The following ZMYND8 variants were observed in gnomAD, a reference collection of about 807,000 sequenced individuals.
The protein encoded by ZMYND8 is MYND-type zinc finger-containing chromatin reader ZMYND8.
In ZMYND8, 37 loss-of-function variants were observed where a neutral mutation model predicts 140.8. The observed-to-expected ratio is 0.26, with a 90% CI of 0.20 to 0.35. The LOEUF (loss-of-function observed/expected upper bound fraction) is 0.35. ZMYND8 is among the 10% of genes least tolerant of loss of function. The pLI, the probability that ZMYND8 is intolerant of heterozygous loss-of-function variation, is 1.00. For synonymous variants in ZMYND8, 592 were observed against 597.1 expected (o/e 0.99, Z 0.12); for missense variants, 1,068 against 1,570.0 (o/e 0.68, Z 5.40).
At chr20:47,221,052 T>A (rs1214511027) in intron 20 of ZMYND8, among the ~76,000 whole-genome samples, 1 of 152,194 alleles carries the variant, frequency 6.6e-6, no homozygotes, top group East Asian at 1.9e-4. Flanking sequence ...GTACAGAACA[T>A]TTCCATCATC....
chr20:47,238,665 T>TAA (rs529703367), intron 15 of ZMYND8, 93 bp downstream of exon 15: 30 of 1,155,606 alleles, frequency 2.6e-5, no homozygotes, highest in South Asian at 5.9e-5. Context: ...AAACGAGAAC[T>TAA]AAAAAAAAAA....
chr20:47,334,071 T>C (rs1051148703), intron 2 of ZMYND8, among the ~76,000 whole-genome samples: 1 of 152,176 alleles, frequency 6.6e-6, no homozygotes, highest in African/African-American at 2.4e-5. Flanking sequence ...GGCAAAATCA[T>C]CTAATGCGAA....
chr20:47,259,217 G>A (rs2074979563), intron 12 of ZMYND8, among the ~76,000 whole-genome samples: 1 of 152,192 alleles, frequency 6.6e-6, no homozygotes, highest in Admixed American at 6.5e-5. Flanking sequence ...GTGTGGAGGT[G>A]GAAGGAGGGT....
chr20:47,256,024 G>A (rs1439822410), intron 12 of ZMYND8, among the ~76,000 whole-genome samples: 7 of 147,994 alleles, frequency 4.7e-5, no homozygotes, highest in Admixed American at 4.1e-4. Context: ...AGAGAGCCGA[G>A]ATTGTACCAT....
intron 22 of ZMYND8, among the ~76,000 whole-genome samples, chr20:47,212,044 C>A (rs1251138875): frequency 1.3e-5 from 2 of 152,222 alleles, no homozygotes; most frequent in Non-Finnish European, 2.9e-5. Flanking sequence ...TCTTAACAAT[C>A]CTCAATCTGC....
intron 2 of ZMYND8, among the ~76,000 whole-genome samples, chr20:47,311,342 G>A (rs570517434): frequency 1.1e-3 from 164 of 152,260 alleles, no homozygotes; most frequent in Middle Eastern, 3.4e-3. Flanking sequence ...AGGCACGGTG[G>A]CTCACACCTA....
chr20:47,342,833 C>A (rs1414902670), intron 2 of ZMYND8, among the ~76,000 whole-genome samples: 3 of 126,444 alleles, frequency 2.4e-5, no homozygotes, highest in East Asian at 2.3e-4. Flanking sequence ...GGCAACAGAG[C>A]AAGACTACAT....
At chr20:47,310,264 G>A in intron 2 of ZMYND8, 60 bp from the exon 3 acceptor site, 1 of 1,535,606 alleles carries the variant, frequency 6.5e-7, no homozygotes. Flanking sequence ...GCCCCACAGG[G>A]AGGAGGTGTG....
intron 21 of ZMYND8, among the ~76,000 whole-genome samples, chr20:47,219,948 A>G (rs990074737): frequency 6.6e-6 from 1 of 152,134 alleles, no homozygotes; most frequent in African/African-American, 2.4e-5. Context: ...GAGAAAAAAA[A>G]AACTTCCCAA....
intron 17 of ZMYND8, among the ~76,000 whole-genome samples, chr20:47,228,906 T>C (rs115341641): frequency 0.024 from 3,643 of 152,114 alleles, 147 homozygotes; most frequent in African/African-American, 0.083. Flanking sequence ...AGTGGCCCAC[T>C]CTCCAAGCCC....
intron 15 of ZMYND8, chr20:47,238,307 A>T (rs567325672): frequency 5.7e-6 from 1 of 176,904 alleles, no homozygotes; most frequent in Admixed American, 5.7e-5. Flanking sequence ...TTAAAAAAGA[A>T]AAAAAGGGGG....
chr20:47,264,371 G>GAA (rs2075358931), intron 11 of ZMYND8, among the ~76,000 whole-genome samples: 1 of 152,136 alleles, frequency 6.6e-6, no homozygotes, highest in African/African-American at 2.4e-5. Context: ...CTGCCTCCTG[G>GAA]ATTCAAGCGA....
chr20:47,349,346 C>G (rs1012313386), intron 1 of ZMYND8, among the ~76,000 whole-genome samples: 1 of 152,180 alleles, frequency 6.6e-6, no homozygotes, highest in African/African-American at 2.4e-5. Flanking sequence ...GTAAAGAAAG[C>G]CTGTGACACA....
chr20:47,232,906 GTTTTTTTTTT>G (rs758568932), intron 16 of ZMYND8, among the ~76,000 whole-genome samples: 128 of 123,420 alleles, frequency 1.0e-3, no homozygotes, highest in Middle Eastern at 4.1e-3. Context: ...TGTTTTTTTT[GTTTTTTTTTT>G]TTTTTGAGAC....
At chr20:47,329,220 ACAAATC>A (rs1316720006) in intron 2 of ZMYND8, among the ~76,000 whole-genome samples, 1 of 152,176 alleles carries the variant, frequency 6.6e-6, no homozygotes, top group Non-Finnish European at 1.5e-5. Context: ...AGCATGCACA[ACAAATC>A]CATTAATCTA....
At chr20:47,347,959 A>G in intron 1 of ZMYND8, 33 bp from the exon 2 acceptor site, 1 of 1,610,704 alleles carries the variant, frequency 6.2e-7, no homozygotes, top group Non-Finnish European at 8.5e-7. Context: ...CATGTTTAGG[A>G]AGGCTGAGAA....
intron 21 of ZMYND8, among the ~76,000 whole-genome samples, chr20:47,218,943 T>C (rs2036518471): frequency 6.6e-6 from 1 of 152,028 alleles, no homozygotes; most frequent in South Asian, 2.1e-4. Context: ...AAGAGAATCG[T>C]CAGTGGCTCA....
At chr20:47,288,105 A>C (rs1439060378) in intron 7 of ZMYND8, among the ~76,000 whole-genome samples, 2 of 152,178 alleles carry the variant, frequency 1.3e-5, no homozygotes, top group Non-Finnish European at 2.9e-5. Context: ...GTTGACACGA[A>C]GATTTCACAC....
intron 11 of ZMYND8, among the ~76,000 whole-genome samples, chr20:47,275,494 C>CAAA (rs762708679): frequency 2.7e-5 from 3 of 112,524 alleles, no homozygotes; most frequent in Non-Finnish European, 3.8e-5. Flanking sequence ...ACTATGTCTC[C>CAAA]AAAAAAAAAA....
Sources: allele counts gnomAD v4.1 joint callset (sites outside exome capture counted in the v4.1 genomes callset), GRCh38; gene constraint gnomAD v4.1.1; transcripts MANE v1.5; gene names NCBI Gene and HGNC (gene_info 2026-07-23, HGNC 2026-07-21).